The following CNTN5 variants were observed in gnomAD, a reference collection of about 807,000 sequenced individuals.
The protein encoded by CNTN5 is contactin 5.
In CNTN5, 77 loss-of-function variants were observed where a neutral mutation model predicts 129.1. That is an observed-to-expected ratio of 0.60 (90% confidence interval 0.50 to 0.72). The LOEUF (loss-of-function observed/expected upper bound fraction) is 0.72. Ranked by LOEUF, CNTN5 falls within the 30% of genes least tolerant of loss-of-function variation. The pLI is 0.00. For missense variants in CNTN5, 1,478 were observed against 1,328.8 expected, an observed-to-expected ratio of 1.11 and a Z score of -1.75; for synonymous variants, 509 against 465.6, an observed-to-expected ratio of 1.09 and a Z score of -1.20.
At chr11:99,515,012 G>T (rs1946992922) in intron 2 of CNTN5, among the ~76,000 whole-genome samples, 1 of 151,990 alleles carries the variant, frequency 6.6e-6, no homozygotes, top group African/African-American at 2.4e-5. Context: ...TAGTAAAAAT[G>T]TCTAAATGAA....
chr11:99,380,022 T>C (rs1940436114), intron 2 of CNTN5, among the ~76,000 whole-genome samples: 1 of 151,962 alleles, frequency 6.6e-6, no homozygotes, highest in African/African-American at 2.4e-5. Flanking sequence ...ATGTGTCCCA[T>C]AACAATGTTT....
At chr11:100,002,168 A>AT (rs1211321095) in intron 9 of CNTN5, 32 bp downstream of exon 9, 5 of 1,321,308 alleles carry the variant, frequency 3.8e-6, no homozygotes, top group Admixed American at 3.2e-5. Context: ...ATTAAACACA[A>AT]TTTTTTATTA....
intron 2 of CNTN5, among the ~76,000 whole-genome samples, chr11:99,456,552 T>A (rs990692867): frequency 6.6e-6 from 1 of 152,104 alleles, no homozygotes; most frequent in Non-Finnish European, 1.5e-5. Flanking sequence ...ATTCAGGAGA[T>A]CTAAAATGAC....
intron 3 of CNTN5, among the ~76,000 whole-genome samples, chr11:99,807,208 TAAAG>T (rs1313944197): frequency 1.3e-5 from 2 of 152,082 alleles, no homozygotes; most frequent in Non-Finnish European, 2.9e-5. Flanking sequence ...CAAAATAACA[TAAAG>T]AAAATATTGC....
intron 2 of CNTN5, among the ~76,000 whole-genome samples, chr11:99,438,362 A>G (rs1943681788): frequency 6.6e-6 from 1 of 152,204 alleles, no homozygotes; most frequent in African/African-American, 2.4e-5. Flanking sequence ...TGTTCAAGTG[A>G]TGACTATATG....
rs192951811 is a variant in CNTN5 at position 99,726,982 on chromosome 11, A to G, written c.56-92562A>G. 1.8e-3 allele frequency among the ~76,000 whole-genome samples: 270 copies of G among 152,238 alleles called. 2 individuals are homozygous for G. Among genetic ancestry groups the G allele is most frequent in the African/African-American group, 6.0e-3 (250 of 41,558 alleles). On this transcript the variant is annotated intron_variant, in intron 3 of 24. Coordinates refer to ENST00000524871, the MANE Select transcript of CNTN5 (RefSeq NM_014361.4). Reference sequence around the variant, plus strand: ...ATCTTAGTCTAGTTTTTGTTCTACAATCAACATTTGTTTTTATAAATCTCT... The same window carrying G: ...ATCTTAGTCTAGTTTTTGTTCTACAGTCAACATTTGTTTTTATAAATCTCT...
intron 1 of CNTN5, among the ~76,000 whole-genome samples, chr11:99,060,906 G>T (rs1241706037): frequency 4.6e-5 from 7 of 151,958 alleles, no homozygotes; most frequent in African/African-American, 1.5e-4. Context: ...TGCAAGTAAG[G>T]CATCCTGACT....
chr11:99,055,783 T>C (rs867022605), intron 1 of CNTN5, among the ~76,000 whole-genome samples: 19 of 152,092 alleles, frequency 1.2e-4, no homozygotes, highest in Middle Eastern at 3.4e-3. Flanking sequence ...TTCTAACTTA[T>C]TGTCAGAACC....
intron 2 of CNTN5, among the ~76,000 whole-genome samples, chr11:99,500,965 G>T (rs1295468903): frequency 1.3e-5 from 2 of 152,076 alleles, no homozygotes; most frequent in Non-Finnish European, 2.9e-5. Context: ...GTGAAAAAAA[G>T]ACTTCAGAAA....
intron 2 of CNTN5, among the ~76,000 whole-genome samples, chr11:99,417,319 G>A (rs1398339125): frequency 6.6e-6 from 1 of 151,928 alleles, no homozygotes; most frequent in Non-Finnish European, 1.5e-5. Context: ...AAAAATACAC[G>A]GATTATTAAA....
intron 10 of CNTN5, among the ~76,000 whole-genome samples, chr11:100,067,965 G>C (rs1459106683): frequency 6.6e-6 from 1 of 151,922 alleles, no homozygotes; most frequent in South Asian, 2.1e-4. Context: ...ATTTCTAATG[G>C]ATTGTTTTCT....
chr11:99,194,144 T>C (rs1858785410), intron 1 of CNTN5, among the ~76,000 whole-genome samples: 1 of 152,090 alleles, frequency 6.6e-6, no homozygotes, highest in Non-Finnish European at 1.5e-5. Flanking sequence ...AATTCATAAA[T>C]GAAAAATAGA....
intron 1 of CNTN5, among the ~76,000 whole-genome samples, chr11:99,024,686 A>G (rs1354230940): frequency 6.6e-6 from 1 of 152,062 alleles, no homozygotes; most frequent in Admixed American, 6.6e-5. Flanking sequence ...TTACAAAGCT[A>G]TTCAAAGTAT....
intron 3 of CNTN5, chr11:99,558,266 C>T: frequency 2.3e-6 from 1 of 427,082 alleles, no homozygotes; most frequent in Non-Finnish European, 4.7e-6. Flanking sequence ...TTCTCAATGT[C>T]ATTTTCCTCT....
At chr11:99,041,114 A>T (rs1216979093) in intron 1 of CNTN5, among the ~76,000 whole-genome samples, 3 of 152,142 alleles carry the variant, frequency 2.0e-5, no homozygotes, top group Non-Finnish European at 4.4e-5. Flanking sequence ...TTTAATTTTC[A>T]GTACATTAAC....
At chr11:99,098,425 TC>T (rs1247830586) in intron 1 of CNTN5, among the ~76,000 whole-genome samples, 11 of 151,994 alleles carry the variant, frequency 7.2e-5, no homozygotes, top group African/African-American at 2.7e-4. Context: ...AGACTAATTT[TC>T]CACTTACATA....
chr11:100,009,551 G>T (rs531863316), intron 9 of CNTN5, among the ~76,000 whole-genome samples: 267 of 152,236 alleles, frequency 1.8e-3, no homozygotes, highest in Middle Eastern at 6.8e-3. Context: ...CTGTTCTCCA[G>T]TTTCAACAAG....
chr11:99,444,737 G>GTA (rs1196557590), intron 2 of CNTN5, among the ~76,000 whole-genome samples: 1 of 151,868 alleles, frequency 6.6e-6, no homozygotes, highest in Non-Finnish European at 1.5e-5. Context: ...TGGCCTGTGT[G>GTA]TATATATGCA....
In CNTN5 at chr11:99,920,986, A is replaced by G. The variant is rs182032802; in HGVS notation, c.673+4837A>G. On this transcript the variant is annotated intron_variant, in intron 7 of 24. Coordinates refer to ENST00000524871, the MANE Select transcript of CNTN5 (RefSeq NM_014361.4). ...TAATGACTTTATTAGAAGAGACACC[A>G]GAGAGCTCTCTTTCTCTACTGAATG... 2.0e-5 allele frequency among the ~76,000 whole-genome samples: 3 copies of G among 152,296 alleles called. No individual in the cohort carries two copies. In the East Asian group the frequency reaches 5.8e-4, roughly 29 times the overall value.
Sources: gnomAD v4.1 joint callset for allele counts (sites outside exome capture counted in the v4.1 genomes callset) on GRCh38, gnomAD v4.1.1 for gene constraint, MANE v1.5 for transcripts, NCBI Gene and HGNC (gene_info 2026-07-23, HGNC 2026-07-21) for gene names.